The following ABCA1 variants were observed in gnomAD, a reference collection of about 807,000 sequenced individuals.
ABCA1 encodes the protein ATP binding cassette subfamily A member 1.
A neutral mutation model predicts 262.5 loss-of-function variants in ABCA1; 133 were observed. The observed-to-expected ratio is 0.51, with a 90% CI of 0.44 to 0.59. ABCA1 has a LOEUF of 0.59. Ranked by LOEUF, ABCA1 falls within the 20% of genes least tolerant of loss-of-function variation. The pLI is 0.00. For synonymous variants in ABCA1, 1,022 were observed against 1,043.5 expected, an observed-to-expected ratio of 0.98 and a Z score of 0.40; for missense variants, 2,452 against 2,777.5, an observed-to-expected ratio of 0.88 and a Z score of 2.63.
At chr9:104,806,117 A>G in intron 31 of ABCA1, 124 bp downstream of exon 31, 2 of 1,137,022 alleles carry the variant, frequency 1.8e-6, no homozygotes, top group Admixed American at 2.4e-5. Flanking sequence ...AAAAAAAAAC[A>G]AAAAACAAAA....
At chr9:104,792,573 G>A (rs578170576) in intron 42 of ABCA1, among the ~76,000 whole-genome samples, 14 of 152,152 alleles carry the variant, frequency 9.2e-5, no homozygotes, top group South Asian at 4.1e-4. Context: ...CAATGTATTC[G>A]AGAATGGGAA....
At chr9:104,854,629 GA>G (rs1835675451) in intron 7 of ABCA1, among the ~76,000 whole-genome samples, 1 of 152,100 alleles carries the variant, frequency 6.6e-6, no homozygotes, top group Non-Finnish European at 1.5e-5. Flanking sequence ...AAGGACCCAA[GA>G]GAAAGTTAAG....
rs771051253 is a variant in ABCA1 at position 104,806,301 on chromosome 9, G to T, written c.4404C>A (p.Asp1468Glu). The T allele has an allele frequency of 1.9e-6, 3 of 1,614,106 alleles. No individual in the cohort carries two copies. The highest frequency in any genetic ancestry group is 3.3e-4 in the Middle Eastern group (2 of 6,010). The change falls in exon 31 of 50, where the codon GAC becomes GAA. Residue 1468 changes from aspartate to glutamate, a missense_variant. This residue lies in a region of ABCA1 where 665 missense variants were observed against 727.3 expected (regional missense o/e 0.91). Transcript: ENST00000374736. Reference protein sequence around the residue: ...NPSPACQCSSDKIKKMLPVCP... With the variant: ...NPSPACQCSSEKIKKMLPVCP... ...ACACAGGCAGCATCTTCTTGATTTT[G>T]TCGCTGCTACACTGGCATGCAGGTG...
chr9:104,798,733 C>T, intron 36 of ABCA1, 135 bp from the exon 37 acceptor site: 2 of 777,668 alleles, frequency 2.6e-6, no homozygotes, highest in Non-Finnish European at 2.2e-6. Context: ...CAAGGAAAAA[C>T]ATCTGTTCAC....
At position 104,862,659 on chromosome 9, in the gene ABCA1, C is replaced by T. The variant is rs185530528; in HGVS notation, c.422-859G>A. On this transcript the variant is annotated intron_variant, in intron 5 of 49. Transcript: ENST00000374736. ...CGGGCCGGGCCGGGCCGGGCCGGGCCGGGCCGGGCCGGGCCGGGCCGGGCC... is the reference window on the plus strand; with the variant it reads ...CGGGCCGGGCCGGGCCGGGCCGGGCTGGGCCGGGCCGGGCCGGGCCGGGCC... Among the ~76,000 whole-genome samples, 25 of 9,846 alleles carry T rather than the reference C, an allele frequency of 2.5e-3. 4 individuals carry two copies. The highest frequency in any genetic ancestry group is 3.2e-3 in the Admixed American group (3 of 944). 6.5% of individuals were successfully genotyped at this position (9,846 alleles called of 152,430 possible).
intron 1 of ABCA1, among the ~76,000 whole-genome samples, chr9:104,924,484 C>A (rs1842315974): frequency 6.6e-6 from 1 of 151,894 alleles, no homozygotes; most frequent in African/African-American, 2.4e-5. Context: ...GTGGCACGCA[C>A]CTGTAATCCC....
chr9:104,829,427 G>A (rs1347268829), intron 14 of ABCA1, among the ~76,000 whole-genome samples: 1 of 152,152 alleles, frequency 6.6e-6, no homozygotes, highest in Admixed American at 6.5e-5. Context: ...TTATGTTAAA[G>A]TACTAAAAAC....
intron 34 of ABCA1, among the ~76,000 whole-genome samples, 173 bp from the exon 35 acceptor site, chr9:104,800,757 T>C (rs1177456440): frequency 6.6e-6 from 1 of 152,178 alleles, no homozygotes; most frequent in East Asian, 1.9e-4. Context: ...ACCAAGTGAC[T>C]AGAAATCTAC....
At position 104,858,567 on chromosome 9, in the gene ABCA1, T is replaced by C; in HGVS notation, c.675A>G (p.Ala225=). 17 of 1,614,198 alleles carry C rather than the reference T, an allele frequency of 1.1e-5. No individual in the cohort carries two copies. The highest frequency in any genetic ancestry group is 1.4e-5 in the Non-Finnish European group (17 of 1,180,034). ...CCATGTTGGAACGAAGTACTCGCTCTGCTGCAGCCAGTTTCTCCCTTGGTA... is the reference window on the plus strand; with the variant it reads ...CCATGTTGGAACGAAGTACTCGCTCCGCTGCAGCCAGTTTCTCCCTTGGTA... ...CGLPREKLAA[A]ERVLRSNMDI... is the part of the protein sequence containing the mutation. Residue 225 remains alanine, a synonymous_variant, in exon 7 of 50, where the codon GCA becomes GCG. Coordinates refer to ENST00000374736, the MANE Select transcript of ABCA1 (RefSeq NM_005502.4).
intron 15 of ABCA1, among the ~76,000 whole-genome samples, chr9:104,827,689 G>A (rs1832924550): frequency 6.6e-6 from 1 of 152,212 alleles, no homozygotes. Context: ...GGACCCACCA[G>A]CATGCAGTTG....
intron 2 of ABCA1, among the ~76,000 whole-genome samples, chr9:104,899,879 A>C (rs556494931): frequency 6.6e-6 from 1 of 152,262 alleles, no homozygotes; most frequent in South Asian, 2.1e-4. Flanking sequence ...AAAGCTCTGA[A>C]GTTCTCTTCC....
intron 1 of ABCA1, among the ~76,000 whole-genome samples, chr9:104,926,390 C>T: frequency 6.6e-6 from 1 of 151,422 alleles, no homozygotes; most frequent in East Asian, 1.9e-4. Context: ...CTGGCACCGT[C>T]CGCCGCCCCA....
rs778050977 is a variant in ABCA1, at chr9:104,847,344, CA to C, written c.721-1776del. Among the ~76,000 whole-genome samples the C allele has an allele frequency of 6.8e-4, 104 of 152,274 alleles. 2 individuals carry two copies. Among genetic ancestry groups the C allele is most frequent in the South Asian group, 8.3e-4 (4 of 4,824 alleles). ...TCCTTCCATTTTCTCGACTATGCAG[CA>C]AAGTTTAAAATGCTGTGCACATATC... is the stretch of plus-strand genomic sequence containing the variant. On this transcript the variant is annotated intron_variant, in intron 7 of 49. Coordinates refer to ENST00000374736, the MANE Select transcript of ABCA1 (RefSeq NM_005502.4).
chr9:104,805,007 A>G (rs887136522), intron 31 of ABCA1, among the ~76,000 whole-genome samples: 2 of 152,232 alleles, frequency 1.3e-5, no homozygotes, highest in Non-Finnish European at 2.9e-5. Flanking sequence ...AGGAAGCACC[A>G]TCATTCACTA....
chr9:104,884,623 G>A (rs532538033), intron 3 of ABCA1, 55 bp from the exon 4 acceptor site: 35 of 1,600,134 alleles, frequency 2.2e-5, no homozygotes, highest in African/African-American at 1.7e-4. Flanking sequence ...TCCCTGAAGC[G>A]ATTTTGAGGC....
rs527864530 is a variant in ABCA1, at chr9:104,810,432, A to G, written c.4175+368T>C. 3.9e-5 allele frequency among the ~76,000 whole-genome samples: 6 copies of G among 152,300 alleles called. No homozygotes were observed. The South Asian group carries it at 1.2e-3, about 32-fold the overall frequency. The stretch of plus-strand genomic sequence containing the variant: ...CAGAAAACAAGTCTCTGGAGGTTCT[A>G]TGCTTTGACAGTGTGCCCTGTGACT... On this transcript the variant is annotated intron_variant, in intron 29 of 49. Coordinates refer to ENST00000374736, the MANE Select transcript of ABCA1 (RefSeq NM_005502.4).
rs114893478 is a variant in ABCA1, at chr9:104,842,561, C to T, written c.814-2042G>A. Among the ~76,000 whole-genome samples the T allele has an allele frequency of 6.3e-3, 959 of 152,296 alleles. 14 individuals carry two copies. The highest frequency in any genetic ancestry group is 0.022 in the African/African-American group (917 of 41,556). ...TCAGGGGTAAACTCTTACTCTTTCT[C>T]CTACACCTCAGCTCACACTCCAAAC... On this transcript the variant is annotated intron_variant, in intron 8 of 49. Coordinates refer to ENST00000374736, the MANE Select transcript of ABCA1 (RefSeq NM_005502.4).
chr9:104,830,340 C>G (rs1163709756), intron 14 of ABCA1, among the ~76,000 whole-genome samples: 1 of 152,192 alleles, frequency 6.6e-6, no homozygotes, highest in Admixed American at 6.5e-5. Context: ...TTTGTCATGA[C>G]ACATTTTAAG....
At chr9:104,927,261 A>T (rs924926048) in intron 1 of ABCA1, among the ~76,000 whole-genome samples, 1 of 151,844 alleles carries the variant, frequency 6.6e-6, no homozygotes, top group East Asian at 1.9e-4. Flanking sequence ...GCTCTGCGCC[A>T]GGGACACCAG....
Sources: allele counts gnomAD v4.1 joint callset (sites outside exome capture counted in the v4.1 genomes callset), GRCh38; gene constraint gnomAD v4.1.1; regional missense constraint gnomAD v4.1.1; transcripts MANE v1.5; gene names NCBI Gene and HGNC (gene_info 2026-07-23, HGNC 2026-07-21).